The following LTBP1 variants were observed in gnomAD, a reference collection of about 807,000 sequenced individuals.
LTBP1 encodes latent transforming growth factor beta binding protein 1.
Under a neutral mutation model 207.6 loss-of-function variants are expected in LTBP1, and 129 were observed. The observed-to-expected ratio is 0.62, with a 90% CI of 0.54 to 0.72. The LOEUF (loss-of-function observed/expected upper bound fraction) is 0.72. LTBP1 is among the 30% of genes least tolerant of loss of function. LTBP1 has a pLI of 0.00. For synonymous variants in LTBP1, 963 were observed against 833.7 expected (o/e 1.16, Z -2.67); for missense variants, 2,281 against 2,217.2 (o/e 1.03, Z -0.58).
At chr2:33,091,525 T>G (rs218185) in intron 3 of LTBP1, among the ~76,000 whole-genome samples, 40 of 152,246 alleles carry the variant, frequency 2.6e-4, no homozygotes, top group African/African-American at 8.9e-4. Context: ...CTATTCTCTG[T>G]TCTCTCTTTT....
chr2:33,088,610 C>G (rs2078893647), intron 3 of LTBP1, among the ~76,000 whole-genome samples: 1 of 152,256 alleles, frequency 6.6e-6, no homozygotes, highest in African/African-American at 2.4e-5. Flanking sequence ...AGGGTAAGGT[C>G]TTAGTCCATC....
At chr2:33,122,754 ATCTTTTCAGTTACTGAACTGTG>A (rs1262957438) in intron 4 of LTBP1, among the ~76,000 whole-genome samples, 30 of 152,182 alleles carry the variant, frequency 2.0e-4, no homozygotes, top group Admixed American at 1.8e-3. Flanking sequence ...GATTCTGAAC[ATCTTTTCAGTTACTGAACTGTG>A]TCTTAGCCTC....
chr2:33,399,258 G>C lies in LTBP1; in HGVS notation c.*713G>C, dbSNP rs2095385345. On this transcript the variant is annotated 3_prime_UTR_variant, in exon 34 of 34. Transcript: ENST00000404816. ...TGGAAGAGTTTATAAGCTTACGTTAGTATTGTAATATGTAAAGTAAGCCCA... is the reference window on the plus strand; with the variant it reads ...TGGAAGAGTTTATAAGCTTACGTTACTATTGTAATATGTAAAGTAAGCCCA... The C allele has an allele frequency of 6.6e-6, 1 of 152,218 alleles. No individual in the cohort carries two copies. Among genetic ancestry groups the C allele is most frequent in the Admixed American group, 6.5e-5 (1 of 15,276 alleles). The allele number at this position is 152,218 out of a possible 1,614,324, so 9.4% of individuals were successfully genotyped here. A position where few individuals can be genotyped will look rare whatever the true frequency, so the allele number is the denominator to read the frequency against.
chr2:33,180,768 G>A (rs1371869450), intron 5 of LTBP1, among the ~76,000 whole-genome samples: 4 of 152,030 alleles, frequency 2.6e-5, no homozygotes, highest in African/African-American at 9.7e-5. Context: ...AGTAGCATAG[G>A]TTCTTAAAGT....
chr2:33,082,432 CTTTTTTTTTTTTTT>C (rs56058653), intron 3 of LTBP1, among the ~76,000 whole-genome samples: 6 of 29,322 alleles, frequency 2.0e-4, no homozygotes, highest in African/African-American at 6.6e-4. Flanking sequence ...GTATGACTCA[CTTTTTTTTTTTTTT>C]TTTTTTTTTT....
chr2:33,093,808 A>G (rs190677889), intron 3 of LTBP1, among the ~76,000 whole-genome samples: 48 of 152,194 alleles, frequency 3.2e-4, no homozygotes, highest in African/African-American at 1.1e-3. Flanking sequence ...AATGATGATG[A>G]TGATTATCAT....
chr2:32,980,738 C>T (rs907202654), intron 2 of LTBP1, among the ~76,000 whole-genome samples: 10 of 152,070 alleles, frequency 6.6e-5, no homozygotes, highest in Admixed American at 3.3e-4. Flanking sequence ...TGAAGGACTC[C>T]GTTTTAGCAC....
chr2:33,084,802 C>A (rs77353098), intron 3 of LTBP1, among the ~76,000 whole-genome samples: 1 of 152,176 alleles, frequency 6.6e-6, no homozygotes, highest in African/African-American at 2.4e-5. Context: ...CAGCTCGGTC[C>A]GTCCCACAGC....
intron 7 of LTBP1, among the ~76,000 whole-genome samples, chr2:33,202,021 G>T (rs1406546602): frequency 2.4e-5 from 1 of 41,028 alleles, no homozygotes; most frequent in Non-Finnish European, 3.9e-5. Context: ...CTTAGCACTG[G>T]AACACACACA....
intron 31 of LTBP1, among the ~76,000 whole-genome samples, chr2:33,386,056 GC>G (rs919360609): frequency 2.0e-5 from 3 of 152,164 alleles, no homozygotes; most frequent in African/African-American, 7.2e-5. Flanking sequence ...ACCCTCCACT[GC>G]CCGCTTCCCT....
chr2:32,954,669 AG>A (rs1203857052), intron 2 of LTBP1, among the ~76,000 whole-genome samples: 3 of 146,692 alleles, frequency 2.0e-5, no homozygotes, highest in African/African-American at 7.6e-5. Context: ...TTTTTTTTCT[AG>A]GGGGAGTACA....
intron 2 of LTBP1, among the ~76,000 whole-genome samples, chr2:32,954,227 G>A (rs1677677027): frequency 6.6e-6 from 1 of 152,152 alleles, no homozygotes; most frequent in African/African-American, 2.4e-5. Flanking sequence ...ATCTGGATTG[G>A]CTTCCACTGC....
intron 3 of LTBP1, among the ~76,000 whole-genome samples, chr2:33,040,235 A>G (rs2076116788): frequency 6.6e-6 from 1 of 152,320 alleles, no homozygotes; most frequent in African/African-American, 2.4e-5. Context: ...GAGAGAATTC[A>G]CAGGGCATCC....
chr2:33,287,643 A>T (rs1256728112), intron 19 of LTBP1, among the ~76,000 whole-genome samples: 23 of 152,184 alleles, frequency 1.5e-4, no homozygotes, highest in Admixed American at 1.4e-3. Flanking sequence ...GGGATTAGTG[A>T]TTGGATTTTT....
At position 32,947,641 on chromosome 2, in the gene LTBP1, C is replaced by A. The variant is rs1676392456; in HGVS notation, c.317C>A (p.Pro106Gln). The A allele has an allele frequency of 7.3e-7, 1 of 1,376,816 alleles. No homozygotes were observed. Among genetic ancestry groups the A allele is most frequent in the Non-Finnish European group, 9.4e-7 (1 of 1,065,504 alleles). The allele number at this position is 1,376,816 out of a possible 1,614,324, so 85.3% of individuals were successfully genotyped here. The change falls in exon 1 of 34, where the codon CCG becomes CAG. Residue 106 changes from proline to glutamine, a missense_variant. Coordinates refer to ENST00000404816, the MANE Select transcript of LTBP1 (RefSeq NM_206943.4). ...QGLRPPPPPP[P>Q]EPARPAVPGG... ...CTCAGACCGCCGCCGCCGCCGCCGCCGGAGCCTGCGCGTCCCGCGGTCCCC... is the reference window on the plus strand; with the variant it reads ...CTCAGACCGCCGCCGCCGCCGCCGCAGGAGCCTGCGCGTCCCGCGGTCCCC...
chr2:33,088,892 A>T (rs536957222), intron 3 of LTBP1, among the ~76,000 whole-genome samples: 4 of 152,134 alleles, frequency 2.6e-5, no homozygotes, highest in Non-Finnish European at 4.4e-5. Context: ...ACAGGGGCTC[A>T]TGCTTGTAAT....
chr2:33,385,191 T>A (rs1021266545), intron 31 of LTBP1, among the ~76,000 whole-genome samples: 1 of 152,184 alleles, frequency 6.6e-6, no homozygotes, highest in East Asian at 1.9e-4. Context: ...TGTGCCTTGT[T>A]TGAGAGGAAG....
chr2:33,063,611 T>A (rs1480164439), intron 3 of LTBP1, among the ~76,000 whole-genome samples: 1 of 152,150 alleles, frequency 6.6e-6, no homozygotes, highest in East Asian at 1.9e-4. Flanking sequence ...AGCTATAAAC[T>A]ACATAAATAT....
intron 26 of LTBP1, among the ~76,000 whole-genome samples, chr2:33,356,878 A>C (rs2149962447): frequency 6.6e-6 from 1 of 152,290 alleles, no homozygotes; most frequent in East Asian, 1.9e-4. Flanking sequence ...ACACACACAG[A>C]GTTTTATCCA....
Sources: allele counts gnomAD v4.1 joint callset (sites outside exome capture counted in the v4.1 genomes callset), GRCh38; gene constraint gnomAD v4.1.1; transcripts MANE v1.5; gene names NCBI Gene and HGNC (gene_info 2026-07-23, HGNC 2026-07-21).